PCDH9: variants seen among roughly 807,000 people sequenced by gnomAD.
PCDH9 encodes protocadherin-9.
A neutral mutation model predicts 70.6 loss-of-function variants in PCDH9; 24 were observed. That is an observed-to-expected ratio of 0.34 (90% CI 0.25 to 0.48). The LOEUF (loss-of-function observed/expected upper bound fraction) is 0.48. Among genes scored for constraint, PCDH9 ranks in the 20% least tolerant of loss-of-function variants. The pLI is 0.99. For synonymous variants in PCDH9, 562 were observed against 558.5 expected (o/e 1.01, Z -0.09); for missense variants, 1,281 against 1,503.6 (o/e 0.85, Z 2.45).
chr13:66,601,254 C>T (rs966560944), intron 4 of PCDH9, among the ~76,000 whole-genome samples: 1 of 145,720 alleles, frequency 6.9e-6, no homozygotes, highest in African/African-American at 2.5e-5. Flanking sequence ...GATATCAGTG[C>T]TTTTCTCTTT....
At chr13:66,944,907 A>G (rs2083064952) in intron 2 of PCDH9, among the ~76,000 whole-genome samples, 1 of 150,836 alleles carries the variant, frequency 6.6e-6, no homozygotes, top group Non-Finnish European at 1.5e-5. Flanking sequence ...CAAAACTCCA[A>G]TTTAAGATAA....
intron 2 of PCDH9, among the ~76,000 whole-genome samples, chr13:67,057,800 A>G (rs1453998726): frequency 6.6e-6 from 1 of 152,174 alleles, no homozygotes; most frequent in African/African-American, 2.4e-5. Context: ...GACCATCAGA[A>G]AAACTCAGGT....
At chr13:66,883,266 A>G (rs963003736) in intron 3 of PCDH9, among the ~76,000 whole-genome samples, 2 of 152,176 alleles carry the variant, frequency 1.3e-5, no homozygotes, top group Non-Finnish European at 1.5e-5. Context: ...AACCTTGAAC[A>G]CAGCTGTGAG....
chr13:66,887,034 A>AACACAC (rs9317623), intron 3 of PCDH9, among the ~76,000 whole-genome samples: 15 of 143,874 alleles, frequency 1.0e-4, no homozygotes, highest in South Asian at 6.8e-4. Flanking sequence ...CAAATATAAT[A>AACACAC]ACACACACAC....
chr13:67,016,257 C>T (rs2084558278), intron 2 of PCDH9, among the ~76,000 whole-genome samples: 2 of 152,118 alleles, frequency 1.3e-5, no homozygotes, highest in South Asian at 4.1e-4. Context: ...AATTAACTTA[C>T]TTATCATTGT....
chr13:66,932,625 T>C (rs1305496475), intron 2 of PCDH9, among the ~76,000 whole-genome samples: 2 of 149,438 alleles, frequency 1.3e-5, no homozygotes, highest in East Asian at 2.0e-4. Context: ...AAAAACTTTT[T>C]ATTTTTTTCT....
intron 4 of PCDH9, among the ~76,000 whole-genome samples, chr13:66,581,826 G>T (rs2076896091): frequency 6.6e-6 from 1 of 152,068 alleles, no homozygotes; most frequent in South Asian, 2.1e-4. Flanking sequence ...GTGCCTCAGA[G>T]ATCTACATAA....
chr13:66,777,678 T>C (rs2079920562), intron 3 of PCDH9, among the ~76,000 whole-genome samples: 1 of 152,202 alleles, frequency 6.6e-6, no homozygotes, highest in Non-Finnish European at 1.5e-5. Context: ...TTGACACTGT[T>C]GGTGGGACTG....
intron 4 of PCDH9, among the ~76,000 whole-genome samples, chr13:66,608,586 G>T (rs1232817873): frequency 6.6e-6 from 1 of 151,822 alleles, no homozygotes; most frequent in Non-Finnish European, 1.5e-5. Context: ...AACTAATAGT[G>T]CTAGGAAAGA....
At chr13:67,084,925 C>G (rs1034446425) in intron 2 of PCDH9, among the ~76,000 whole-genome samples, 2 of 128,610 alleles carry the variant, frequency 1.6e-5, no homozygotes, top group African/African-American at 6.0e-5. Context: ...CGAGATCACA[C>G]CACTGCACTC....
intron 2 of PCDH9, among the ~76,000 whole-genome samples, chr13:67,119,160 G>A: frequency 6.6e-6 from 1 of 152,024 alleles, no homozygotes; most frequent in East Asian, 1.9e-4. Flanking sequence ...GCCTTACAAT[G>A]TTTAGAAGTT....
At chr13:67,176,331 G>T (rs186859348) in intron 2 of PCDH9, among the ~76,000 whole-genome samples, 82 of 152,118 alleles carry the variant, frequency 5.4e-4, no homozygotes, top group African/African-American at 1.9e-3. Flanking sequence ...ATCTTTTCAG[G>T]TTCAATCCCC....
chr13:66,586,926 G>C (rs2076970365), intron 4 of PCDH9, among the ~76,000 whole-genome samples: 1 of 151,972 alleles, frequency 6.6e-6, no homozygotes, highest in South Asian at 2.1e-4. Context: ...AGATTTTATT[G>C]ACTGAAACAC....
At chr13:66,506,421 T>C (rs1408731246) in intron 4 of PCDH9, among the ~76,000 whole-genome samples, 2 of 152,204 alleles carry the variant, frequency 1.3e-5, no homozygotes. Flanking sequence ...GAATAAGAGT[T>C]TATTATAAGG....
intron 4 of PCDH9, among the ~76,000 whole-genome samples, chr13:66,343,396 T>G (rs1956162589): frequency 6.6e-6 from 1 of 152,204 alleles, no homozygotes; most frequent in Admixed American, 6.5e-5. Flanking sequence ...AATCTGCTTA[T>G]CAGCATATTC....
At chr13:66,406,122 TC>T (rs1476969870) in intron 4 of PCDH9, among the ~76,000 whole-genome samples, 1 of 152,098 alleles carries the variant, frequency 6.6e-6, no homozygotes, top group African/African-American at 2.4e-5. Flanking sequence ...TGTTTCTCTC[TC>T]TAAGAGGAAA....
intron 4 of PCDH9, among the ~76,000 whole-genome samples, chr13:66,555,676 A>G (rs1348461667): frequency 1.1e-5 from 1 of 92,204 alleles, no homozygotes; most frequent in Non-Finnish European, 2.5e-5. Flanking sequence ...TCTATTATCT[A>G]AGACAATATA....
At chr13:66,695,366 T>C (rs889931641) in intron 3 of PCDH9, among the ~76,000 whole-genome samples, 10 of 152,334 alleles carry the variant, frequency 6.6e-5, no homozygotes, top group African/African-American at 2.4e-4. Context: ...CTGGGTCTAT[T>C]GTCTAGCTAC....
intron 3 of PCDH9, among the ~76,000 whole-genome samples, chr13:66,684,867 T>C (rs1481075931): frequency 6.6e-6 from 1 of 151,976 alleles, no homozygotes; most frequent in African/African-American, 2.4e-5. Context: ...CAGAAGAAGA[T>C]AGGAAGATGT....
Sources: gnomAD v4.1 joint callset for allele counts (sites outside exome capture counted in the v4.1 genomes callset) on GRCh38, gnomAD v4.1.1 for gene constraint, MANE v1.5 for transcripts, NCBI Gene and HGNC (gene_info 2026-07-23, HGNC 2026-07-21) for gene names.